Variants in CACNB2 observed in about 807,000 individuals in gnomAD.
CACNB2 encodes the protein calcium voltage-gated channel auxiliary subunit beta 2.
In CACNB2, 42 loss-of-function variants were observed where a neutral mutation model predicts 73.3. That is an observed-to-expected ratio of 0.57 (90% CI 0.45 to 0.74). The LOEUF (loss-of-function observed/expected upper bound fraction) is 0.74, where lower values mean the gene tolerates loss of function less well. Among genes scored for constraint, CACNB2 ranks in the 30% least tolerant of loss-of-function variants. The probability of loss-of-function intolerance (pLI) is 0.00; values close to 1 mark genes in which losing one functional copy is unlikely to be tolerated. For missense variants in CACNB2, 940 were observed against 853.0 expected (o/e 1.10, Z -1.27); for synonymous variants, 348 against 310.3 (o/e 1.12, Z -1.28).
At chr10:18,458,080 T>A (rs1190103369) in intron 3 of CACNB2, among the ~76,000 whole-genome samples, 1 of 152,246 alleles carries the variant, frequency 6.6e-6, no homozygotes, top group Non-Finnish European at 1.5e-5. Context: ...AGAGAAATCA[T>A]TTAACCAATT....
chr10:18,452,494 A>T (rs1023011704), intron 3 of CACNB2, among the ~76,000 whole-genome samples: 1 of 152,166 alleles, frequency 6.6e-6, no homozygotes, highest in Non-Finnish European at 1.5e-5. Context: ...ACATCAAAAG[A>T]CTATCTTCAA....
At chr10:18,418,217 G>T (rs1170382519) in intron 3 of CACNB2, among the ~76,000 whole-genome samples, 1 of 152,210 alleles carries the variant, frequency 6.6e-6, no homozygotes, top group Non-Finnish European at 1.5e-5. Flanking sequence ...TGGGACTACA[G>T]GCGCACGCCA....
At chr10:18,414,483 CTT>C (rs11384501) in intron 3 of CACNB2, among the ~76,000 whole-genome samples, 5 of 132,198 alleles carry the variant, frequency 3.8e-5, no homozygotes, top group Admixed American at 3.0e-4. Context: ...TTACTACTAC[CTT>C]TTTTTTTTTT....
intron 2 of CACNB2, among the ~76,000 whole-genome samples, chr10:18,309,143 A>G (rs1057110955): frequency 3.0e-4 from 45 of 152,352 alleles, no homozygotes; most frequent in African/African-American, 1.1e-3. Flanking sequence ...AAATTTTAAA[A>G]TATTGAATGG....
Position 18,422,603 on chromosome 10 carries a change from C to T in CACNB2, c.333+20560C>T, listed in dbSNP as rs544402863. ...ACTTGTTTGTGTATTCCTCTTACAGCCTTTTTCACAGCATATTGGGTTATT... is the reference window on the plus strand; with the variant it reads ...ACTTGTTTGTGTATTCCTCTTACAGTCTTTTTCACAGCATATTGGGTTATT... On this transcript the variant is annotated intron_variant, in intron 3 of 13. Transcript: ENST00000324631. Among the ~76,000 whole-genome samples the T allele has an allele frequency of 3.3e-5, 5 of 152,280 alleles. No individual in the cohort carries two copies. The South Asian group carries it at 6.2e-4, about 19-fold the overall frequency.
chr10:18,357,814 C>G (rs1261825313), intron 2 of CACNB2, among the ~76,000 whole-genome samples: 2 of 152,140 alleles, frequency 1.3e-5, no homozygotes, highest in Non-Finnish European at 2.9e-5. Context: ...CCACTGTGTA[C>G]AAGCATCCTG....
At chr10:18,269,893 A>G (rs941468694) in intron 2 of CACNB2, among the ~76,000 whole-genome samples, 4 of 152,100 alleles carry the variant, frequency 2.6e-5, no homozygotes, top group Admixed American at 6.5e-5. Context: ...TTTCTGATCC[A>G]TTCAATCATG....
At chr10:18,511,780 G>C (rs140539258) in intron 6 of CACNB2, among the ~76,000 whole-genome samples, 1 of 152,134 alleles carries the variant, frequency 6.6e-6, no homozygotes. Context: ...CTGAAAGAGG[G>C]CACCCAGATT....
intron 3 of CACNB2, among the ~76,000 whole-genome samples, chr10:18,407,509 A>G (rs1239847591): frequency 6.6e-6 from 1 of 152,014 alleles, no homozygotes; most frequent in African/African-American, 2.4e-5. Context: ...TGACATTTTG[A>G]CATGACATGC....
intron 3 of CACNB2, among the ~76,000 whole-genome samples, chr10:18,440,201 TA>T (rs912695690): frequency 5.6e-4 from 85 of 152,274 alleles, no homozygotes; most frequent in African/African-American, 1.9e-3. Context: ...TATAAAGGCA[TA>T]ATCTTATTCA....
chr10:18,375,610 T>A (rs1396385875), intron 2 of CACNB2, among the ~76,000 whole-genome samples: 1 of 152,236 alleles, frequency 6.6e-6, no homozygotes, highest in East Asian at 1.9e-4. Context: ...ATTGAAAATT[T>A]AATTTTTCTA....
Position 18,536,200 on chromosome 10 carries a change from A to AGTT in CACNB2, c.1302+5_1302+7dup. ...TAAACTGGCTCAGTGTCCTCCAGTA[A>AGTT]GTTATCTCTATATACAGCATAATCC... On this transcript the variant is annotated splice_donor_region_variant and intron_variant, in intron 12 of 13. Transcript: ENST00000324631. The AGTT allele has an allele frequency of 7.2e-7, 1 of 1,392,360 alleles. No individual in the cohort carries two copies. The highest frequency in any genetic ancestry group is 1.0e-6 in the Non-Finnish European group (1 of 991,900). 86.3% of individuals were successfully genotyped at this position (1,392,360 alleles called of 1,614,324 possible).
chr10:18,183,797 G>T (rs2034010649), intron 2 of CACNB2, among the ~76,000 whole-genome samples: 1 of 152,108 alleles, frequency 6.6e-6, no homozygotes, highest in Non-Finnish European at 1.5e-5. Flanking sequence ...GAACCTATGG[G>T]TGCCCTAGGA....
rs140868665 is a variant in CACNB2 at position 18,151,798 on chromosome 10, G to A, written c.213+823G>A. On this transcript the variant is annotated intron_variant, in intron 2 of 13. Coordinates refer to ENST00000324631, the MANE Select transcript of CACNB2 (RefSeq NM_201596.3). The stretch of plus-strand genomic sequence containing the variant: ...TTCTTGTGGCCCAGGGATGTCCAGT[G>A]TCTGATCAGTACTCTCATCATCTCT... Among the ~76,000 whole-genome samples the A allele has an allele frequency of 6.6e-5, 10 of 152,224 alleles. No homozygotes were observed. In the East Asian group the frequency reaches 1.4e-3, roughly 21 times the overall value.
At chr10:18,413,283 A>G (rs1022917648) in intron 3 of CACNB2, among the ~76,000 whole-genome samples, 6 of 152,108 alleles carry the variant, frequency 3.9e-5, no homozygotes, top group Non-Finnish European at 5.9e-5. Flanking sequence ...CACATATTTT[A>G]TGTATTGGGA....
At chr10:18,220,142 TATATATATATATAC>T (rs1350710980) in intron 2 of CACNB2, among the ~76,000 whole-genome samples, 654 of 38,764 alleles carry the variant, frequency 0.017, 10 homozygotes, top group African/African-American at 0.025. Context: ...TATATATATA[TATATATATATATAC>T]ACACACACAC....
chr10:18,384,452 G>T (rs138604915), intron 2 of CACNB2, among the ~76,000 whole-genome samples: 1 of 152,110 alleles, frequency 6.6e-6, no homozygotes, highest in Admixed American at 6.6e-5. Flanking sequence ...TTGGCCAGGC[G>T]CAGTGGTTTA....
At chr10:18,378,587 A>G (rs2042893541) in intron 2 of CACNB2, among the ~76,000 whole-genome samples, 1 of 152,116 alleles carries the variant, frequency 6.6e-6, no homozygotes, top group Non-Finnish European at 1.5e-5. Context: ...TGTTTCTACA[A>G]ATAATTTTTT....
intron 3 of CACNB2, among the ~76,000 whole-genome samples, chr10:18,422,299 A>G (rs1348120224): frequency 2.6e-5 from 4 of 152,238 alleles, no homozygotes; most frequent in Non-Finnish European, 5.9e-5. Context: ...TTAGATAGCT[A>G]GAACATTCAG....
Sources: allele counts gnomAD v4.1 joint callset (sites outside exome capture counted in the v4.1 genomes callset), GRCh38; gene constraint gnomAD v4.1.1; transcripts MANE v1.5; gene names NCBI Gene and HGNC (gene_info 2026-07-23, HGNC 2026-07-21).